The following C6 variants were observed in gnomAD, a reference collection of about 807,000 sequenced individuals.
C6 encodes complement component C6.
Under a neutral mutation model 112.9 loss-of-function variants are expected in C6, and 101 were observed. The observed-to-expected ratio is 0.89, with a 90% CI of 0.76 to 1.06. C6 has a LOEUF of 1.06. C6 is among the 50% of genes least tolerant of loss of function. The pLI, the probability that C6 is intolerant of heterozygous loss-of-function variation, is 0.00. For missense variants in C6, 1,202 were observed against 1,104.6 expected, an observed-to-expected ratio of 1.09 and a Z score of -1.25; for synonymous variants, 431 against 384.1, an observed-to-expected ratio of 1.12 and a Z score of -1.43.
chr5:41,196,348 C>A (rs959946852), intron 4 of C6, among the ~76,000 whole-genome samples: 2 of 151,578 alleles, frequency 1.3e-5, no homozygotes, highest in African/African-American at 4.9e-5. Flanking sequence ...CAGTCACACA[C>A]AATAACATGG....
chr5:41,163,075 T>TAAGAA (rs1747670724), intron 9 of C6, among the ~76,000 whole-genome samples: 1 of 151,976 alleles, frequency 6.6e-6, no homozygotes, highest in African/African-American at 2.4e-5. Flanking sequence ...ACTGTTCCAT[T>TAAGAA]AGCTTACTCT....
chr5:41,260,653 A>G (rs965655868), intron 1 of C6, among the ~76,000 whole-genome samples: 2 of 151,864 alleles, frequency 1.3e-5, no homozygotes, highest in South Asian at 4.1e-4. Flanking sequence ...TCATGCCTGT[A>G]AATTCCAGCT....
chr5:41,180,646 T>C (rs1290071349), intron 7 of C6, among the ~76,000 whole-genome samples: 1 of 152,114 alleles, frequency 6.6e-6, no homozygotes, highest in Non-Finnish European at 1.5e-5. Context: ...AAAAATTTGC[T>C]CTGAATATGA....
Position 41,142,774 on chromosome 5 carries a change from T to C in C6, c.*51A>G. ...AAGAATTCTCATTTGTAGGAGTTGG[T>C]TCTTCGGGATGGTAAATCTGTTCAT... On this transcript the variant is annotated 3_prime_UTR_variant, in exon 18 of 18. Coordinates refer to ENST00000337836, the MANE Select transcript of C6 (RefSeq NM_000065.5). The C allele has an allele frequency of 7.1e-7, 1 of 1,416,044 alleles. No individual in the cohort carries two copies. 87.7% of individuals were successfully genotyped at this position (1,416,044 alleles called of 1,614,324 possible). A position where few individuals can be genotyped will look rare whatever the true frequency, so the allele number is the denominator to read the frequency against.
chr5:41,217,709 G>C (rs917278673), upstream of C6, among the ~76,000 whole-genome samples: 2 of 152,080 alleles, frequency 1.3e-5, no homozygotes, highest in African/African-American at 4.8e-5. Flanking sequence ...CATAGTAATA[G>C]AAATCTAGTT....
intron 17 of C6, among the ~76,000 whole-genome samples, chr5:41,147,282 G>A (rs1177167903): frequency 6.6e-6 from 1 of 152,182 alleles, no homozygotes; most frequent in Non-Finnish European, 1.5e-5. Flanking sequence ...TGTCTAAAAA[G>A]TTATTTAATA....
chr5:41,149,285 T>A lies in C6; in HGVS notation c.2579A>T (p.Glu860Val). Residue 860 changes from glutamate to valine, a missense_variant, in exon 17 of 18, where the codon GAA becomes GTA. Transcript: ENST00000337836. ...ATAGCAGGTGTCATAGCCACAGGATTCTTTCTTTGTGCTGTTGGATGAAAG... is the reference window on the plus strand; with the variant it reads ...ATAGCAGGTGTCATAGCCACAGGATACTTTCTTTGTGCTGTTGGATGAAAG... ...TRLSSNSTKK[E>V]SCGYDTCYDW... 1 of 1,614,094 alleles carries A rather than the reference T, an allele frequency of 6.2e-7. No homozygotes were observed. The highest frequency in any genetic ancestry group is 8.5e-7 in the Non-Finnish European group (1 of 1,179,974).
At chr5:41,226,071 G>A (rs1739477817) in intron 1 of C6, among the ~76,000 whole-genome samples, 2 of 152,078 alleles carry the variant, frequency 1.3e-5, no homozygotes, top group South Asian at 4.1e-4. Flanking sequence ...AACACCAAAA[G>A]CAATGGCAAC....
At chr5:41,187,353 A>T (rs1269718666) in intron 5 of C6, among the ~76,000 whole-genome samples, 3 of 152,192 alleles carry the variant, frequency 2.0e-5, no homozygotes, top group African/African-American at 7.2e-5. Context: ...AATGTACCTG[A>T]AAGGCACCAC....
intron 1 of C6, among the ~76,000 whole-genome samples, chr5:41,212,677 A>T (rs1752023340): frequency 6.6e-6 from 1 of 152,190 alleles, no homozygotes; most frequent in African/African-American, 2.4e-5. Flanking sequence ...ATAGGAAAAA[A>T]GTCTTCCACT....
chr5:41,203,005 C>T lies in C6; in HGVS notation c.143+83G>A. 3.1e-6 allele frequency: 4 copies of T among 1,277,434 alleles called. No individual in the cohort carries two copies. In the African/African-American group the frequency reaches 5.9e-5, roughly 19 times the overall value. 79.1% of individuals were successfully genotyped at this position (1,277,434 alleles called of 1,614,324 possible). On this transcript the variant is annotated intron_variant, in intron 2 of 17. Coordinates refer to ENST00000337836, the MANE Select transcript of C6 (RefSeq NM_000065.5). ...CTTTGATATATATATGTTCCCATTGCTTAGTGTTGCACTCCTGATGTTGCT... is the reference window on the plus strand; with the variant it reads ...CTTTGATATATATATGTTCCCATTGTTTAGTGTTGCACTCCTGATGTTGCT...
chr5:41,181,156 T>G (rs900855816), intron 7 of C6, among the ~76,000 whole-genome samples: 9 of 151,976 alleles, frequency 5.9e-5, no homozygotes, highest in African/African-American at 1.9e-4. Flanking sequence ...AACAGTCAAA[T>G]GCATGCAAAA....
chr5:41,152,618 T>C (rs1172140848), intron 15 of C6: 2 of 152,140 alleles, frequency 1.3e-5, no homozygotes, highest in East Asian at 1.9e-4. Flanking sequence ...TTCACAGTTG[T>C]TTTCCTTTCC....
intron 1 of C6, among the ~76,000 whole-genome samples, chr5:41,211,552 G>A (rs982751961): frequency 6.6e-6 from 1 of 151,916 alleles, no homozygotes; most frequent in Non-Finnish European, 1.5e-5. Context: ...TATAATGTGA[G>A]TCCCAAACAT....
At chr5:41,255,702 C>T (rs761489408) in intron 1 of C6, among the ~76,000 whole-genome samples, 6 of 152,154 alleles carry the variant, frequency 3.9e-5, no homozygotes, top group South Asian at 2.1e-4. Flanking sequence ...ACTGAATTTA[C>T]GTGCTATAGG....
chr5:41,169,188 T>G (rs948324451), intron 9 of C6, among the ~76,000 whole-genome samples: 3 of 152,052 alleles, frequency 2.0e-5, no homozygotes, highest in Non-Finnish European at 2.9e-5. Context: ...CAGATGAGGC[T>G]AGCCAAGGCA....
At chr5:41,144,167 G>A (rs1041574087) in intron 17 of C6, among the ~76,000 whole-genome samples, 5 of 152,156 alleles carry the variant, frequency 3.3e-5, no homozygotes, top group Non-Finnish European at 7.4e-5. Context: ...CCAGACTGAT[G>A]TGCTCTTTCC....
chr5:41,233,442 C>A (rs1740032697), intron 1 of C6, among the ~76,000 whole-genome samples: 1 of 151,994 alleles, frequency 6.6e-6, no homozygotes, highest in Non-Finnish European at 1.5e-5. Flanking sequence ...CTAAGGAAGG[C>A]ATAATTCTTT....
chr5:41,256,806 T>A (rs1378235369), intron 1 of C6, among the ~76,000 whole-genome samples: 2 of 152,168 alleles, frequency 1.3e-5, no homozygotes, highest in African/African-American at 2.4e-5. Flanking sequence ...AGCCAGCTCC[T>A]TGATAAAAGG....
Sources: gnomAD v4.1 joint callset for allele counts (sites outside exome capture counted in the v4.1 genomes callset) on GRCh38, gnomAD v4.1.1 for gene constraint, MANE v1.5 for transcripts, NCBI Gene and HGNC (gene_info 2026-07-23, HGNC 2026-07-21) for gene names.